The following DOCK3 variants were observed in gnomAD, a reference collection of about 807,000 sequenced individuals.
The protein encoded by DOCK3 is dedicator of cytokinesis protein 3.
Under a neutral mutation model 265.6 loss-of-function variants are expected in DOCK3, and 60 were observed. The observed-to-expected ratio is 0.23, with a 90% confidence interval of 0.18 to 0.28. DOCK3 has a LOEUF of 0.28. Among genes scored for constraint, DOCK3 ranks in the 10% least tolerant of loss-of-function variants. The probability of loss-of-function intolerance (pLI) is 1.00; values close to 1 mark genes in which losing one functional copy is unlikely to be tolerated. For missense variants in DOCK3, 1,981 were observed against 2,594.3 expected (o/e 0.76, Z 5.14); for synonymous variants, 881 against 938.0 (o/e 0.94, Z 1.11).
intron 2 of DOCK3, among the ~76,000 whole-genome samples, chr3:50,837,073 C>G (rs1473605703): frequency 2.0e-5 from 3 of 152,196 alleles, no homozygotes; most frequent in Admixed American, 6.5e-5. Flanking sequence ...CTAGGAAGTT[C>G]CAAACTTTCC....
At chr3:50,928,677 T>C (rs1343227056) in intron 4 of DOCK3, among the ~76,000 whole-genome samples, 1 of 152,220 alleles carries the variant, frequency 6.6e-6, no homozygotes, top group Non-Finnish European at 1.5e-5. Flanking sequence ...GAAATGGAAG[T>C]GATTCTTTTC....
At chr3:51,320,692 T>C (rs2109773804) in intron 32 of DOCK3, among the ~76,000 whole-genome samples, 1 of 152,160 alleles carries the variant, frequency 6.6e-6, no homozygotes, top group East Asian at 1.9e-4. Flanking sequence ...ACCCTCACAG[T>C]GGAAACAGAG....
chr3:51,097,041 C>T (rs531949320), intron 9 of DOCK3, among the ~76,000 whole-genome samples: 2 of 152,302 alleles, frequency 1.3e-5, no homozygotes, highest in South Asian at 2.1e-4. Context: ...AGGTGTCTGT[C>T]GACCCCTGCT....
At chr3:51,143,353 T>C (rs563039074) in intron 9 of DOCK3, among the ~76,000 whole-genome samples, 10 of 150,668 alleles carry the variant, frequency 6.6e-5, no homozygotes, top group Non-Finnish European at 1.3e-4. Flanking sequence ...CACTGTAGCC[T>C]CCGCCCCCTG....
chr3:50,781,705 G>T (rs1416947079), intron 2 of DOCK3, among the ~76,000 whole-genome samples: 1 of 152,176 alleles, frequency 6.6e-6, no homozygotes, highest in East Asian at 1.9e-4. Flanking sequence ...GGGGTTTGTT[G>T]TACAGATGAT....
chr3:50,722,295 A>G (rs1441735450), intron 1 of DOCK3, among the ~76,000 whole-genome samples: 1 of 152,214 alleles, frequency 6.6e-6, no homozygotes, highest in Admixed American at 6.5e-5. Flanking sequence ...AGAGAGACAA[A>G]GAGAAAGATC....
intron 27 of DOCK3, among the ~76,000 whole-genome samples, chr3:51,286,742 G>T (rs991512913): frequency 2.6e-5 from 4 of 152,164 alleles, no homozygotes; most frequent in African/African-American, 9.7e-5. Context: ...TCAATAAATG[G>T]TGCTGGGATA....
chr3:51,362,718 C>A, intron 49 of DOCK3, 44 bp downstream of exon 49: 1 of 1,599,896 alleles, frequency 6.3e-7, no homozygotes, highest in Non-Finnish European at 8.5e-7. Context: ...GAAGAGAGGT[C>A]TTCATCAACG....
chr3:50,911,569 A>G (rs2049854776), intron 4 of DOCK3, among the ~76,000 whole-genome samples: 1 of 151,992 alleles, frequency 6.6e-6, no homozygotes, highest in South Asian at 2.1e-4. Context: ...CTTTTAGTAT[A>G]TTTTGAAGTC....
intron 1 of DOCK3, among the ~76,000 whole-genome samples, chr3:50,707,508 G>A (rs1407747187): frequency 6.6e-6 from 1 of 152,114 alleles, no homozygotes; most frequent in Non-Finnish European, 1.5e-5. Context: ...ATACATCCCT[G>A]TATGATTTCT....
chr3:51,114,848 C>G (rs1464838380), intron 9 of DOCK3, among the ~76,000 whole-genome samples: 1 of 151,940 alleles, frequency 6.6e-6, no homozygotes, highest in Non-Finnish European at 1.5e-5. Flanking sequence ...GTTCCCCTCC[C>G]TGTGCCCATA....
At chr3:50,819,644 C>T in intron 2 of DOCK3, among the ~76,000 whole-genome samples, 1 of 152,104 alleles carries the variant, frequency 6.6e-6, no homozygotes, top group East Asian at 1.9e-4. Flanking sequence ...AACGACACTC[C>T]CACCAGTGCC....
chr3:51,201,489 G>A (rs1327636413), intron 12 of DOCK3, among the ~76,000 whole-genome samples: 5 of 152,124 alleles, frequency 3.3e-5, no homozygotes, highest in African/African-American at 1.2e-4. Flanking sequence ...AAATATATAT[G>A]CACCCAATAC....
Position 50,675,435 on chromosome 3 carries a change from G to C in DOCK3, c.37+135G>C, listed in dbSNP as rs1028545500. 1.3e-6 allele frequency: 1 copy of C among 782,626 alleles called. No individual in the cohort carries two copies. The highest frequency in any genetic ancestry group is 5.9e-5 in the South Asian group (1 of 16,906). 48.5% of individuals were successfully genotyped at this position (782,626 alleles called of 1,614,324 possible). A position where few individuals can be genotyped will look rare whatever the true frequency, so the allele number is the denominator to read the frequency against. ...CGGCCTCGGCGCGGGGCGAGCGCGG[G>C]GTGGGGGCAGGTGCGGGTGCGGGTG... On this transcript the variant is annotated intron_variant, in intron 1 of 52. Coordinates refer to ENST00000266037, the MANE Select transcript of DOCK3 (RefSeq NM_004947.5). The surrounding 1 kb of genome is among the most constrained non-coding windows in gnomAD (Gnocchi z 6.1).
At chr3:50,844,434 G>A (rs1274542443) in intron 3 of DOCK3, among the ~76,000 whole-genome samples, 9 of 151,974 alleles carry the variant, frequency 5.9e-5, no homozygotes, top group South Asian at 2.1e-4. Context: ...TTACCCAGGC[G>A]GGTCTCGAAC....
chr3:51,032,551 G>C (rs974894727), intron 5 of DOCK3, among the ~76,000 whole-genome samples: 3 of 151,722 alleles, frequency 2.0e-5, no homozygotes, highest in Non-Finnish European at 4.4e-5. Context: ...TCAATCTTGT[G>C]TTCCTATATA....
intron 10 of DOCK3, among the ~76,000 whole-genome samples, chr3:51,157,688 G>T (rs2085920552): frequency 6.6e-6 from 1 of 151,956 alleles, no homozygotes; most frequent in African/African-American, 2.4e-5. Context: ...TAGGTGCCTT[G>T]CTTGCCTCAC....
At chr3:51,198,589 A>AAC (rs2088474188) in intron 12 of DOCK3, among the ~76,000 whole-genome samples, 1 of 151,956 alleles carries the variant, frequency 6.6e-6, no homozygotes. Flanking sequence ...CAAAAAAAAA[A>AAC]AAAAAAACAG....
At position 51,175,900 on chromosome 3, in the gene DOCK3, C is replaced by T. The variant is rs2086919034; in HGVS notation, c.1037+15198C>T. 2.0e-5 allele frequency among the ~76,000 whole-genome samples: 3 copies of T among 152,292 alleles called. No homozygotes were observed. In the South Asian group the frequency reaches 6.2e-4, roughly 32 times the overall value. Reference sequence around the variant, plus strand: ...CCATTTTCCATGGATCTTCATCTATCCAGGACCATTATCTGCCATGTCCAT... The same window carrying T: ...CCATTTTCCATGGATCTTCATCTATTCAGGACCATTATCTGCCATGTCCAT... On this transcript the variant is annotated intron_variant, in intron 12 of 52. Coordinates refer to ENST00000266037, the MANE Select transcript of DOCK3 (RefSeq NM_004947.5).
Sources: gnomAD v4.1 joint callset for allele counts (sites outside exome capture counted in the v4.1 genomes callset) on GRCh38, gnomAD v4.1.1 for gene constraint, Gnocchi (gnomAD v3.1) non-coding constraint, MANE v1.5 for transcripts, NCBI Gene and HGNC (gene_info 2026-07-23, HGNC 2026-07-21) for gene names.